The following NAALADL2 variants were observed in gnomAD, a reference collection of about 807,000 sequenced individuals.
The protein encoded by NAALADL2 is N-acetylated alpha-linked acidic dipeptidase like 2, also known as inactive N-acetylated-alpha-linked acidic dipeptidase-like protein 2.
Under a neutral mutation model 87.2 loss-of-function variants are expected in NAALADL2, and 76 were observed. That is an observed-to-expected ratio of 0.87 (90% CI 0.72 to 1.05). NAALADL2 has a LOEUF of 1.05. Among genes scored for constraint, NAALADL2 ranks in the 50% least tolerant of loss-of-function variants. The probability of loss-of-function intolerance (pLI) is 0.00; values close to 1 mark genes in which losing one functional copy is unlikely to be tolerated. For missense variants in NAALADL2, 1,089 were observed against 945.8 expected, an observed-to-expected ratio of 1.15 and a Z score of -1.99; for synonymous variants, 354 against 331.0, an observed-to-expected ratio of 1.07 and a Z score of -0.75.
intron 3 of NAALADL2, among the ~76,000 whole-genome samples, chr3:174,834,626 A>T (rs1194449338): frequency 7.2e-5 from 11 of 151,968 alleles, no homozygotes; most frequent in African/African-American, 2.7e-4. Flanking sequence ...TTAATATATA[A>T]AAAGTCAATT....
chr3:175,547,569 TAAAC>T (rs1713567461), intron 9 of NAALADL2, among the ~76,000 whole-genome samples: 1 of 152,094 alleles, frequency 6.6e-6, no homozygotes, highest in East Asian at 1.9e-4. Flanking sequence ...GGAATCTAAT[TAAAC>T]TAAAGAGCTT....
chr3:175,481,562 A>G (rs1254633895), intron 9 of NAALADL2, among the ~76,000 whole-genome samples: 3 of 151,892 alleles, frequency 2.0e-5, no homozygotes, highest in Non-Finnish European at 2.9e-5. Flanking sequence ...AAAGACAAAC[A>G]TATATCAGTC....
intron 2 of NAALADL2, among the ~76,000 whole-genome samples, chr3:174,644,662 C>A (rs1723598381): frequency 6.6e-6 from 1 of 152,174 alleles, no homozygotes; most frequent in African/African-American, 2.4e-5. Context: ...CAGGAATAAT[C>A]CCCAAGTGGA....
At chr3:175,026,984 A>G (rs1373572716) in intron 1 of NAALADL2, among the ~76,000 whole-genome samples, 1 of 152,130 alleles carries the variant, frequency 6.6e-6, no homozygotes, top group African/African-American at 2.4e-5. Flanking sequence ...TATGGCAACA[A>G]TAGCAATAAC....
At chr3:175,726,156 A>G (rs1423029733) in intron 11 of NAALADL2, among the ~76,000 whole-genome samples, 3 of 152,158 alleles carry the variant, frequency 2.0e-5, no homozygotes, top group Middle Eastern at 3.4e-3. Context: ...CCAAAAAGCT[A>G]ATTTATTATT....
At chr3:175,158,272 C>T (rs1402172707) in intron 2 of NAALADL2, among the ~76,000 whole-genome samples, 1 of 151,988 alleles carries the variant, frequency 6.6e-6, no homozygotes, top group Non-Finnish European at 1.5e-5. Flanking sequence ...ATTTGGCGAT[C>T]AGAGAGACCA....
At chr3:175,731,951 C>T (rs1743811396) in intron 11 of NAALADL2, among the ~76,000 whole-genome samples, 1 of 152,120 alleles carries the variant, frequency 6.6e-6, no homozygotes, top group South Asian at 2.1e-4. Context: ...AAAAATCAAT[C>T]AGAATCCTTC....
intron 3 of NAALADL2, among the ~76,000 whole-genome samples, chr3:174,816,694 G>A (rs1022778666): frequency 6.6e-6 from 1 of 151,872 alleles, no homozygotes; most frequent in Non-Finnish European, 1.5e-5. Flanking sequence ...TTCTAATCCA[G>A]GTATATTGGA....
intron 11 of NAALADL2, among the ~76,000 whole-genome samples, chr3:175,634,360 G>C (rs1728218749): frequency 6.6e-6 from 1 of 151,712 alleles, no homozygotes; most frequent in African/African-American, 2.4e-5. Flanking sequence ...TGTATCAGTT[G>C]TTATAATATT....
intron 2 of NAALADL2, among the ~76,000 whole-genome samples, chr3:174,599,342 T>C (rs892852279): frequency 6.6e-6 from 1 of 152,162 alleles, no homozygotes; most frequent in African/African-American, 2.4e-5. Context: ...CTAAATAGGC[T>C]GCAAATCTGT....
intron 10 of NAALADL2, among the ~76,000 whole-genome samples, chr3:175,588,581 G>A (rs575506998): frequency 2.7e-4 from 31 of 114,002 alleles, no homozygotes; most frequent in African/African-American, 9.0e-4. Flanking sequence ...CTCTGTCGCC[G>A]AGGCTGGAGT....
chr3:175,068,358 A>G (rs1714941088), intron 1 of NAALADL2, among the ~76,000 whole-genome samples: 1 of 152,166 alleles, frequency 6.6e-6, no homozygotes, highest in Admixed American at 6.6e-5. Flanking sequence ...ATAATTTAAA[A>G]GTTATAGAAA....
chr3:174,823,676 C>A lies in NAALADL2; in HGVS notation c.-9+85930C>A, dbSNP rs150084730. On this transcript the variant is annotated intron_variant, in intron 3 of 3. Transcript: ENST00000434257. ...ATAAGGAAAGAAAACTTAATATTCTCTGTAACATAAGTTATTCTTTTTGCA... is the reference window on the plus strand; with the variant it reads ...ATAAGGAAAGAAAACTTAATATTCTATGTAACATAAGTTATTCTTTTTGCA... Among the ~76,000 whole-genome samples, 25 of 152,262 alleles carry A rather than the reference C, an allele frequency of 1.6e-4. No homozygotes were observed. In the East Asian group the frequency reaches 4.8e-3, roughly 29 times the overall value.
At chr3:174,781,839 T>C (rs1029312432) in intron 3 of NAALADL2, among the ~76,000 whole-genome samples, 12 of 152,000 alleles carry the variant, frequency 7.9e-5, no homozygotes, top group Non-Finnish European at 1.5e-4. Context: ...CAAGGGAGGA[T>C]GGTTTGTGCC....
intron 3 of NAALADL2, among the ~76,000 whole-genome samples, chr3:174,795,239 T>G (rs1002395187): frequency 6.6e-6 from 1 of 151,422 alleles, no homozygotes; most frequent in African/African-American, 2.4e-5. Context: ...TCAGGTGATT[T>G]ACCAGCCTCA....
At chr3:175,286,000 G>A (rs569616573) in intron 4 of NAALADL2, among the ~76,000 whole-genome samples, 22 of 152,144 alleles carry the variant, frequency 1.4e-4, no homozygotes, top group African/African-American at 4.6e-4. Context: ...TTCAAAATAC[G>A]TTGTAAAAAC....
At chr3:175,399,264 A>G (rs1770242180) in intron 5 of NAALADL2, among the ~76,000 whole-genome samples, 2 of 152,086 alleles carry the variant, frequency 1.3e-5, no homozygotes, top group Admixed American at 6.6e-5. Context: ...GGATATCAGG[A>G]CACTCCCAAG....
intron 2 of NAALADL2, among the ~76,000 whole-genome samples, chr3:174,679,522 A>G (rs1308547213): frequency 6.6e-6 from 1 of 152,122 alleles, no homozygotes; most frequent in Admixed American, 6.6e-5. Flanking sequence ...TGTGGCTCAC[A>G]TTGTATTTCT....
intron 9 of NAALADL2, among the ~76,000 whole-genome samples, chr3:175,566,175 AT>A (rs1717120492): frequency 6.6e-6 from 1 of 152,102 alleles, no homozygotes; most frequent in Non-Finnish European, 1.5e-5. Context: ...TTTTACAATC[AT>A]GGGAGTCTTA....
Sources: allele counts gnomAD v4.1 joint callset (sites outside exome capture counted in the v4.1 genomes callset), GRCh38; gene constraint gnomAD v4.1.1; transcripts MANE v1.5; gene names NCBI Gene and HGNC (gene_info 2026-07-23, HGNC 2026-07-21).